The following PRX variants were observed in gnomAD, a reference collection of about 807,000 sequenced individuals.
PRX encodes the protein periaxin.
PRX carries 24 observed loss-of-function variants against 29.6 expected under a neutral mutation model. The observed-to-expected ratio is 0.81, with a 90% CI of 0.59 to 1.14. PRX has a LOEUF of 1.14. Among genes scored for constraint, PRX ranks in the 50% most tolerant of loss-of-function variants. The pLI is 0.00. For missense variants in PRX, 1,838 were observed against 1,926.4 expected, an observed-to-expected ratio of 0.95 and a Z score of 0.86; for synonymous variants, 772 against 831.7, an observed-to-expected ratio of 0.93 and a Z score of 1.24.
Position 40,408,031 on chromosome 19 carries a change from C to G in PRX, c.-99G>C. 6.5e-7 allele frequency: 1 copy of G among 1,539,112 alleles called. No individual in the cohort carries two copies. The highest frequency in any genetic ancestry group is 8.9e-7 in the Non-Finnish European group (1 of 1,125,464). On this transcript the variant is annotated splice_region_variant and 5_prime_UTR_variant, in exon 4 of 7. Transcript: ENST00000324001. ...TCTGCATGGAGCAGCTGCCTCTGAG[C>G]CTGTGGGAGGACAGCAGTGGAGGCT...
chr19:40,404,234 G>A (rs1427475401), intron 4 of PRX, among the ~76,000 whole-genome samples: 4 of 152,312 alleles, frequency 2.6e-5, no homozygotes, highest in East Asian at 3.9e-4. Flanking sequence ...TAGGACCCGC[G>A]GAACGGTTAA....
Position 40,396,542 on chromosome 19 carries a change from G to A in PRX, c.1810C>T (p.Gln604Ter), listed in dbSNP as rs1599654178. ...GCCATCTCGGGCACCTTCGGGAGTT[G>A]CACTTCAGGGAGTTTCATCTCAGGA... ...KLPEMKLPEV[Q>*]LPKVPEMAVP... The change falls in exon 7 of 7, where the codon CAA becomes TAA. Residue 604 changes from glutamine to a stop codon, truncating the protein, a stop_gained. Coordinates refer to ENST00000324001, the MANE Select transcript of PRX (RefSeq NM_181882.3). LOFTEE classifies it low-confidence loss of function (END_TRUNC). The A allele has an allele frequency of 1.9e-6, 3 of 1,611,082 alleles. No homozygotes were observed. Among genetic ancestry groups the A allele is most frequent in the Non-Finnish European group, 2.5e-6 (3 of 1,179,092 alleles).
chr19:40,399,777 C>G (rs138272464), intron 5 of PRX, among the ~76,000 whole-genome samples: 111 of 152,312 alleles, frequency 7.3e-4, no homozygotes, highest in Non-Finnish European at 4.0e-4. Flanking sequence ...TTCCTAGGCT[C>G]AACTGATCCT....
At position 40,398,790 on chromosome 19, in the gene PRX, ACACTCGGG is replaced by A; in HGVS notation, c.203_210del (p.Ala68ValfsTer80). The A allele has an allele frequency of 6.2e-7, 1 of 1,614,044 alleles. No homozygotes were observed. Among genetic ancestry groups the A allele is most frequent in the Non-Finnish European group, 8.5e-7 (1 of 1,179,952 alleles). On this transcript the variant is annotated frameshift_variant, in exon 6 of 7. Coordinates refer to ENST00000324001, the MANE Select transcript of PRX (RefSeq NM_181882.3). LOFTEE classifies it high-confidence loss of function. The surrounding 1 kb of genome is among the most constrained non-coding windows in gnomAD (Gnocchi z 6.3). ...TCCTCGTACTTGAAGTTCTCGAAGA[ACACTCGGG>A]CACTCAGCAGCTGGTCCCCTGCGGG...
In PRX at chr19:40,395,884, G is replaced by T. The variant is rs780212559; in HGVS notation, c.2468C>A (p.Ala823Glu). The change falls in exon 7 of 7, where the codon GCG (alanine) becomes GAG (glutamate). Residue 823 changes from alanine (A) to glutamate (E), a missense_variant. Physicochemically the swap from Ala to Glu is moderately radical, Grantham distance 107 (BLOSUM62 -1). Coordinates refer to ENST00000324001, the MANE Select transcript of PRX (RefSeq NM_181882.3). ...CAGCTTCCCTGAGACCTCAGCACCC[G>T]CCTCGCCTGGCTTGCCACGTGATGG... is the stretch of plus-strand genomic sequence containing the variant. ...ESPSRGKPGE[A>E]GAEVSGKLVT... 1 of 1,614,104 alleles carries T rather than the reference G, an allele frequency of 6.2e-7. No homozygotes were observed. Among genetic ancestry groups the T allele is most frequent in the South Asian group, 1.1e-5 (1 of 91,082 alleles).
Position 40,403,722 on chromosome 19 carries a change from G to C in PRX, c.168C>G (p.Ser56Arg). 6.4e-7 allele frequency: 1 copy of C among 1,562,410 alleles called. No homozygotes were observed. Among genetic ancestry groups the C allele is most frequent in the Non-Finnish European group, 8.7e-7 (1 of 1,154,352 alleles). The change falls in exon 5 of 7, where the codon AGC (serine) becomes AGG (arginine). Residue 56 changes from serine (S) to arginine (R), a missense_variant. Transcript: ENST00000324001. ...ELREDSPAAR[S>R]LSLQEGDQLL... ...CCCGCCCACCTTCCTGCAGGCTGAG[G>C]CTCCTGGCGGCGGGTGAGTCCTCGC...
In PRX at chr19:40,395,450, T is replaced by C. The variant is rs778987729; in HGVS notation, c.2902A>G (p.Lys968Glu). The C allele has an allele frequency of 3.1e-6, 5 of 1,613,948 alleles. No individual in the cohort carries two copies. The Admixed American group carries it at 8.3e-5, about 27-fold the overall frequency. Residue 968 changes from lysine (K) to glutamate (E), a missense_variant, in exon 7 of 7, where the codon AAG becomes GAG. By Grantham distance (56) the Lys-to-Glu change is moderately conservative. Around this residue, in one of 3 missense-constraint regions of PRX, gnomAD observed 1,143 missense variants for 1,193.0 expected, o/e 0.96. Transcript: ENST00000324001. Reference sequence around the variant, plus strand: ...TCAGCCTCAGCCCCCACCCGAGCCTTGGGGAGTGAGATGGCAAATTTGGAT... The same window carrying C: ...TCAGCCTCAGCCCCCACCCGAGCCTCGGGGAGTGAGATGGCAAATTTGGAT... ...KVSKFAISLP[K>E]ARVGAEAEAK...
chr19:40,396,682 G>A lies in PRX; in HGVS notation c.1670C>T (p.Pro557Leu), dbSNP rs1419440307. The part of the protein sequence containing the change: ...QLPKVSEMKL[P>L]EVSEVAVPEV... ...TGGCACAGCCACCTCTGACACCTCT[G>A]GGAGTTTCATCTCTGACACTTTCGG... Residue 557 changes from proline (P) to leucine (L), a missense_variant, in exon 7 of 7, where the codon CCA becomes CTA. Transcript: ENST00000324001. 1 of 1,614,032 alleles carries A rather than the reference G, an allele frequency of 6.2e-7. No homozygotes were observed. The highest frequency in any genetic ancestry group is 1.1e-5 in the South Asian group (1 of 91,036).
Position 40,396,391 on chromosome 19 carries a change from A to G in PRX, c.1961T>C (p.Leu654Pro), listed in dbSNP as rs1455617561. ...GACTTTCGGGAGCTGCACTTCCGGG[A>G]GGTGCACATCGGGCACAGCCATCTC... The part of the protein sequence containing the change: ...VPEMAVPDVH[L>P]PEVQLPKVPE... The change falls in exon 7 of 7, where the codon CTC (leucine) becomes CCC (proline). Residue 654 changes from leucine to proline, a missense_variant. Transcript: ENST00000324001. 3.1e-6 allele frequency: 5 copies of G among 1,613,202 alleles called. No homozygotes were observed. The Admixed American group carries it at 8.3e-5, about 27-fold the overall frequency.
intron 4 of PRX, among the ~76,000 whole-genome samples, chr19:40,406,049 C>T (rs1299235109): frequency 1.3e-5 from 2 of 151,508 alleles, no homozygotes; most frequent in East Asian, 4.0e-4. Context: ...GAGTTCAAGA[C>T]CAGCCTGGCC....
At chr19:40,414,361 C>T (rs962026940), upstream of PRX, among the ~76,000 whole-genome samples, 2 of 152,148 alleles carry the variant, frequency 1.3e-5, no homozygotes, top group Non-Finnish European at 2.9e-5. Flanking sequence ...TGGGCTCAAG[C>T]GATCTTCCCA....
intron 5 of PRX, among the ~76,000 whole-genome samples, chr19:40,402,628 G>A (rs926086464): frequency 5.9e-5 from 9 of 151,406 alleles, no homozygotes; most frequent in African/African-American, 1.9e-4. Flanking sequence ...AAAATTAGCC[G>A]GGCGTGGTTG....
At chr19:40,414,644 A>G (rs1324632657), upstream of PRX, among the ~76,000 whole-genome samples, 1 of 152,086 alleles carries the variant, frequency 6.6e-6, no homozygotes, top group Non-Finnish European at 1.5e-5. Flanking sequence ...CAAAGCTACC[A>G]GGCCTCACCC....
chr19:40,397,610 C>A lies in PRX; in HGVS notation c.742G>T (p.Val248Phe). 6.5e-7 allele frequency: 1 copy of A among 1,540,842 alleles called. No individual in the cohort carries two copies. Among genetic ancestry groups the A allele is most frequent in the Non-Finnish European group, 8.7e-7 (1 of 1,148,378 alleles). ...GCCTTGGGGGCTGAGACCTGGGGGACACCCACCTCCGCCCCTGGCAGCCGC... is the reference window on the plus strand; with the variant it reads ...GCCTTGGGGGCTGAGACCTGGGGGAAACCCACCTCCGCCCCTGGCAGCCGC... ...GPRLPGAEVG[V>F]PQVSAPKAAP... Residue 248 changes from valine (V) to phenylalanine (F), a missense_variant, in exon 7 of 7, where the codon GTC becomes TTC. By Grantham distance (50) the Val-to-Phe change is conservative. Coordinates refer to ENST00000324001, the MANE Select transcript of PRX (RefSeq NM_181882.3).
intron 4 of PRX, among the ~76,000 whole-genome samples, chr19:40,405,229 A>G (rs573606024): frequency 1.3e-5 from 2 of 152,266 alleles, no homozygotes; most frequent in East Asian, 1.9e-4. Context: ...GGGATTCACA[A>G]TAGGGCTTCC....
chr19:40,397,181 G>A lies in PRX; in HGVS notation c.1171C>T (p.Leu391Phe), dbSNP rs762784589. ...GAAAGCCCAAAGGTGGGCATTCGAA[G>A]TCTGGGACCTTTCACCCTGGCCTCA... ...SPEARVKGPR[L>F]RMPTFGLSLL... Residue 391 changes from leucine (L) to phenylalanine (F), a missense_variant, in exon 7 of 7, where the codon CTT becomes TTT. Transcript: ENST00000324001. 5 of 1,613,988 alleles carry A rather than the reference G, an allele frequency of 3.1e-6. No homozygotes were observed. The South Asian group carries it at 5.5e-5, about 18-fold the overall frequency.
intron 5 of PRX, among the ~76,000 whole-genome samples, chr19:40,399,850 C>CCTTTCTTTCTTT (rs59315819): frequency 0.073 from 8,726 of 119,300 alleles, 525 homozygotes; most frequent in East Asian, 0.2. Flanking sequence ...AGCTTTCTTT[C>CCTTTCTTTCTTT]CTTTCTTTCT....
chr19:40,395,287 G>C lies in PRX; in HGVS notation c.3065C>G (p.Ala1022Gly), dbSNP rs1008150085. 3.1e-6 allele frequency: 5 copies of C among 1,613,634 alleles called. No individual in the cohort carries two copies. The Admixed American group carries it at 6.7e-5, about 22-fold the overall frequency. ...ADLKFKGPRFALPKFGVRGRD... is the reference protein window; with the variant it reads ...ADLKFKGPRFGLPKFGVRGRD... The stretch of plus-strand genomic sequence containing the variant: ...GCCTCTGACCCCAAACTTGGGGAGA[G>C]CAAACCTGGGCCCCTTGAACTTGAG... The change falls in exon 7 of 7, where the codon GCT becomes GGT. Residue 1022 changes from alanine to glycine, a missense_variant. This residue lies in a region of PRX where 1,143 missense variants were observed against 1,193.0 expected (regional missense o/e 0.96). Transcript: ENST00000324001.
intron 4 of PRX, among the ~76,000 whole-genome samples, chr19:40,404,326 G>C (rs2079517493): frequency 6.6e-6 from 1 of 151,986 alleles, no homozygotes; most frequent in Non-Finnish European, 1.5e-5. Context: ...GGGTTGTAAG[G>C]GGAGGGACTG....
Sources: gnomAD v4.1 joint callset for allele counts (sites outside exome capture counted in the v4.1 genomes callset) on GRCh38, gnomAD v4.1.1 for gene constraint, gnomAD v4.1.1 regional missense constraint, Gnocchi (gnomAD v3.1) non-coding constraint, MANE v1.5 for transcripts, NCBI Gene and HGNC (gene_info 2026-07-23, HGNC 2026-07-21) for gene names.